Variants in WSCD2 observed in about 807,000 individuals in gnomAD.
WSCD2 encodes sialate:O-sulfotransferase 2.
In WSCD2, 28 loss-of-function variants were observed where a neutral mutation model predicts 55.7. The ratio of observed to expected loss-of-function variants is 0.50; its 90% CI spans 0.37 to 0.69. The LOEUF (loss-of-function observed/expected upper bound fraction) is 0.69. Among genes scored for constraint, WSCD2 ranks in the 30% least tolerant of loss-of-function variants. WSCD2 has a pLI of 0.00. For synonymous variants in WSCD2, 301 were observed against 301.9 expected (o/e 1.00, Z 0.03); for missense variants, 616 against 762.1 (o/e 0.81, Z 2.26).
intron 1 of WSCD2, among the ~76,000 whole-genome samples, chr12:108,171,350 G>A (rs977831165): frequency 1.6e-4 from 25 of 152,272 alleles, no homozygotes; most frequent in Middle Eastern, 3.4e-3. Flanking sequence ...GAGAGGCTCA[G>A]ACACCCATAT....
At position 108,249,763 on chromosome 12, in the gene WSCD2, T is replaced by C. The variant is rs1222025443; in HGVS notation, c.*1420T>C. The C allele has an allele frequency of 6.5e-6, 1 of 152,674 alleles. No homozygotes were observed. Among genetic ancestry groups the C allele is most frequent in the East Asian group, 1.9e-4 (1 of 5,192 alleles). The allele number at this position is 152,674 out of a possible 1,614,324, so 9.5% of individuals were successfully genotyped here. A position where few individuals can be genotyped will look rare whatever the true frequency, so the allele number is the denominator to read the frequency against. The stretch of plus-strand genomic sequence containing the variant: ...ATATATTTTTGTAAGAGGAATATGA[T>C]TAATACATTCCGCCCCTTGGAACCT... On this transcript the variant is annotated 3_prime_UTR_variant, in exon 9 of 9. Coordinates refer to ENST00000547525, the MANE Select transcript of WSCD2 (RefSeq NM_014653.4).
chr12:108,184,746 T>C (rs1882245060), intron 1 of WSCD2, among the ~76,000 whole-genome samples: 1 of 152,218 alleles, frequency 6.6e-6, no homozygotes, highest in African/African-American at 2.4e-5. Flanking sequence ...ATCTTGGTAA[T>C]AGCTAAAAAG....
intron 2 of WSCD2, among the ~76,000 whole-genome samples, chr12:108,202,708 G>A (rs188484418): frequency 3.3e-5 from 5 of 152,200 alleles, no homozygotes; most frequent in Non-Finnish European, 7.3e-5. Flanking sequence ...GTTTGAAGGT[G>A]CAGGGTGGTA....
At chr12:108,218,032 C>T (rs1887055656) in intron 4 of WSCD2, among the ~76,000 whole-genome samples, 1 of 152,148 alleles carries the variant, frequency 6.6e-6, no homozygotes, top group Non-Finnish European at 1.5e-5. Flanking sequence ...CATGGGTCTC[C>T]CCCTCTTTTC....
chr12:108,232,771 C>T lies in WSCD2; in HGVS notation c.1020C>T (p.Ser340=). ...ACAGAAGGTTCCTGCCAGGCAAGTCCAAGCAGCTCATTGCTTTGGCCAGCT... is the reference window on the plus strand; with the variant it reads ...ACAGAAGGTTCCTGCCAGGCAAGTCTAAGCAGCTCATTGCTTTGGCCAGCT... ...CMDRRFLPGK[S]KQLIALASFP... Residue 340 remains serine (S), a synonymous_variant, in exon 7 of 9, where the codon TCC becomes TCT. Coordinates refer to ENST00000547525, the MANE Select transcript of WSCD2 (RefSeq NM_014653.4). 6.2e-7 allele frequency: 1 copy of T among 1,613,876 alleles called. No homozygotes were observed. Among genetic ancestry groups the T allele is most frequent in the Non-Finnish European group, 8.5e-7 (1 of 1,179,984 alleles).
chr12:108,178,572 C>T lies in WSCD2; in HGVS notation c.-551-16710C>T, dbSNP rs541491403. Among the ~76,000 whole-genome samples, 6 of 152,308 alleles carry T rather than the reference C, an allele frequency of 3.9e-5. No individual in the cohort carries two copies. The East Asian group carries it at 5.8e-4, about 15-fold the overall frequency. On this transcript the variant is annotated intron_variant, in intron 1 of 8. Transcript: ENST00000547525. The stretch of plus-strand genomic sequence containing the variant: ...GAATCATTCGACATCTACATGCCAA[C>T]GGGGCTTCAATATTCTTTATCCGCT...
chr12:108,192,113 C>T (rs575839228), intron 1 of WSCD2, among the ~76,000 whole-genome samples: 5 of 152,354 alleles, frequency 3.3e-5, no homozygotes, highest in East Asian at 1.9e-4. Flanking sequence ...GCTGTCTCCA[C>T]GACAGCAAAT....
At chr12:108,142,896 G>A (rs968199544) in intron 1 of WSCD2, among the ~76,000 whole-genome samples, 9 of 151,820 alleles carry the variant, frequency 5.9e-5, no homozygotes, top group African/African-American at 7.3e-5. Context: ...TCACTGCCTC[G>A]ACCTCCTAGG....
intron 6 of WSCD2, among the ~76,000 whole-genome samples, 184 bp downstream of exon 6, chr12:108,227,348 G>C (rs757697796): frequency 6.6e-6 from 1 of 152,218 alleles, no homozygotes; most frequent in Non-Finnish European, 1.5e-5. Flanking sequence ...GAATTCCCAG[G>C]GTGGGAAGCG....
rs779231736 is a variant in WSCD2 at position 108,227,128 on chromosome 12, C to T, written c.943C>T (p.Pro315Ser). The stretch of plus-strand genomic sequence containing the variant: ...GGAGGAGTTTGAGAGCTGCGGGACT[C>T]CTAGTTACTTCATTGTGTACCAGAC... ...SAEEFESCGT[P>S]SYFIVYQTQV... The change falls in exon 6 of 9, where the codon CCT becomes TCT. Residue 315 changes from proline (P) to serine (S), a missense_variant. Around this residue, in one of 3 missense-constraint regions of WSCD2, gnomAD observed 374 missense variants for 467.4 expected, o/e 0.80. Transcript: ENST00000547525. The T allele has an allele frequency of 1.2e-6, 2 of 1,614,134 alleles. No individual in the cohort carries two copies. Among genetic ancestry groups the T allele is most frequent in the Non-Finnish European group, 1.7e-6 (2 of 1,179,986 alleles).
chr12:108,170,379 G>A (rs1226884091), intron 1 of WSCD2, among the ~76,000 whole-genome samples: 1 of 152,102 alleles, frequency 6.6e-6, no homozygotes, highest in Non-Finnish European at 1.5e-5. Flanking sequence ...AGACAACAAT[G>A]ATGATGATGG....
chr12:108,215,525 C>T (rs985988612), intron 4 of WSCD2, among the ~76,000 whole-genome samples: 1 of 152,170 alleles, frequency 6.6e-6, no homozygotes, highest in Non-Finnish European at 1.5e-5. Context: ...ATTTGAATTT[C>T]CAACAGCCCA....
intron 1 of WSCD2, among the ~76,000 whole-genome samples, chr12:108,173,810 CTGTGTGTGTGTGTG>C (rs113409001): frequency 1.4e-4 from 19 of 131,144 alleles, no homozygotes; most frequent in Middle Eastern, 3.5e-3. Flanking sequence ...TCCTGGCTCT[CTGTGTGTGTGTGTG>C]TGTGTGTGTG....
chr12:108,148,372 C>T (rs927953042), intron 1 of WSCD2, among the ~76,000 whole-genome samples: 2 of 152,164 alleles, frequency 1.3e-5, no homozygotes, highest in Admixed American at 6.5e-5. Context: ...TAGAAAGGGG[C>T]CTGGCTTTTG....
At chr12:108,199,477 G>A (rs1426619796) in intron 2 of WSCD2, among the ~76,000 whole-genome samples, 1 of 152,222 alleles carries the variant, frequency 6.6e-6, no homozygotes, top group African/African-American at 2.4e-5. Flanking sequence ...CCTGTACTTT[G>A]AGCAGCCAAA....
intron 7 of WSCD2, among the ~76,000 whole-genome samples, chr12:108,239,884 T>C (rs1045765093): frequency 1.3e-5 from 2 of 152,092 alleles, no homozygotes; most frequent in Non-Finnish European, 2.9e-5. Context: ...TGGCTAATTT[T>C]TTTTTAATTT....
rs781165247 is a variant in WSCD2, at chr12:108,129,536, C to G, written c.-942C>G. 1 of 151,678 alleles carries G rather than the reference C, an allele frequency of 6.6e-6. No individual in the cohort carries two copies. Among genetic ancestry groups the G allele is most frequent in the Non-Finnish European group, 1.5e-5 (1 of 67,820 alleles). 9.4% of individuals were successfully genotyped at this position (151,678 alleles called of 1,614,324 possible). A position where few individuals can be genotyped will look rare whatever the true frequency, so the allele number is the denominator to read the frequency against. ...CGGGGCACCCGCAGTGCCGCCCGCCCGAGCGCCAGGCTCACAGGAGCCCGG... is the reference window on the plus strand; with the variant it reads ...CGGGGCACCCGCAGTGCCGCCCGCCGGAGCGCCAGGCTCACAGGAGCCCGG... On this transcript the variant is annotated 5_prime_UTR_variant, in exon 1 of 9. Transcript: ENST00000547525.
At chr12:108,234,770 C>A (rs777435602) in intron 7 of WSCD2, among the ~76,000 whole-genome samples, 1 of 152,172 alleles carries the variant, frequency 6.6e-6, no homozygotes, top group Non-Finnish European at 1.5e-5. Flanking sequence ...GGCAGCAACC[C>A]TACTCATGCA....
At chr12:108,165,822 A>G (rs555368798) in intron 1 of WSCD2, among the ~76,000 whole-genome samples, 1 of 152,366 alleles carries the variant, frequency 6.6e-6, no homozygotes, top group Non-Finnish European at 1.5e-5. Flanking sequence ...TTCCCTAAAT[A>G]GAGGTTAATC....
Sources: allele counts gnomAD v4.1 joint callset (sites outside exome capture counted in the v4.1 genomes callset), GRCh38; gene constraint gnomAD v4.1.1; regional missense constraint gnomAD v4.1.1; transcripts MANE v1.5; gene names NCBI Gene and HGNC (gene_info 2026-07-23, HGNC 2026-07-21).